OR2A12: variants seen among roughly 807,000 people sequenced by gnomAD.
OR2A12 encodes the protein olfactory receptor family 2 subfamily A member 12, also known as olfactory receptor 2A12.
For synonymous variants in OR2A12, 153 were observed against 149.3 expected (o/e 1.02, Z -0.18); for missense variants, 380 against 372.5 (o/e 1.02, Z -0.17).
rs187474037 is a variant in OR2A12, at chr7:144,096,270, C to T, written c.*230C>T. On this transcript the variant is annotated 3_prime_UTR_variant, in exon 2 of 2. Coordinates refer to ENST00000641592, the MANE Select transcript of OR2A12 (RefSeq NM_001004135.2). ...AGGAGTTCGAGACCAGCCTAACCAA[C>T]ATGGCGAAACACTGTCTCTATTAAA... 1.7e-4 allele frequency: 60 copies of T among 344,874 alleles called. No individual in the cohort carries two copies. The highest frequency in any genetic ancestry group is 8.0e-4 in the Admixed American group (18 of 22,374). The allele number at this position is 344,874 out of a possible 1,614,324, so 21.4% of individuals were successfully genotyped here.
chr7:144,094,679 C>A (rs1039806241), intron 1 of OR2A12, among the ~76,000 whole-genome samples: 1 of 152,088 alleles, frequency 6.6e-6, no homozygotes. Flanking sequence ...AGAGTAGGTA[C>A]AATGATAAAA....
Position 144,096,062 on chromosome 7 carries a change from A to AGT in OR2A12, c.*27_*28dup. 6.5e-7 allele frequency: 1 copy of AGT among 1,532,114 alleles called. No individual in the cohort carries two copies. The highest frequency in any genetic ancestry group is 8.9e-7 in the Non-Finnish European group (1 of 1,129,682). The allele number at this position is 1,532,114 out of a possible 1,614,324, so 94.9% of individuals were successfully genotyped here. A position where few individuals can be genotyped will look rare whatever the true frequency, so the allele number is the denominator to read the frequency against. ...GTGAAGAATCATTTGAGATATCCTG[A>AGT]GTGTGTAAGCATGGTTCTCATGACC... On this transcript the variant is annotated 3_prime_UTR_variant, in exon 2 of 2. Coordinates refer to ENST00000641592, the MANE Select transcript of OR2A12 (RefSeq NM_001004135.2).
In OR2A12 at chr7:144,095,606, T is replaced by C. The variant is rs1017508217; in HGVS notation, c.499T>C (p.Phe167Leu). 6.2e-7 allele frequency: 1 copy of C among 1,613,982 alleles called. No individual in the cohort carries two copies. Among genetic ancestry groups the C allele is most frequent in the Admixed American group, 1.7e-5 (1 of 60,002 alleles). The change falls in exon 2 of 2, where the codon TTT becomes CTT. Residue 167 changes from phenylalanine to leucine, a missense_variant. Coordinates refer to ENST00000641592, the MANE Select transcript of OR2A12 (RefSeq NM_001004135.2). ...TATTACTCTTATTCTGAGGCTGCCT[T>C]TTTGTGGCCCACAAAAGATCAACCA... is the stretch of plus-strand genomic sequence containing the variant. The part of the protein sequence containing the change: ...VHITLILRLP[F>L]CGPQKINHFF...
At chr7:144,086,771 T>C (rs925882669) in intron 1 of OR2A12, among the ~76,000 whole-genome samples, 3 of 152,166 alleles carry the variant, frequency 2.0e-5, no homozygotes, top group Admixed American at 6.5e-5. Context: ...ATACCAGAAA[T>C]AGTATCTTCC....
chr7:144,091,114 G>T (rs1313319557), intron 1 of OR2A12, among the ~76,000 whole-genome samples: 3 of 152,202 alleles, frequency 2.0e-5, no homozygotes, highest in African/African-American at 7.2e-5. Context: ...TCCAGGGCTG[G>T]GTGCGGTGGC....
intron 1 of OR2A12, among the ~76,000 whole-genome samples, chr7:144,094,687 A>C (rs937267666): frequency 6.6e-6 from 1 of 152,218 alleles, no homozygotes; most frequent in African/African-American, 2.4e-5. Flanking sequence ...TACAATGATA[A>C]AATTGTTCAG....
Position 144,098,932 on chromosome 7 carries a change from CT to C in OR2A12, c.*2894del, listed in dbSNP as rs1318233744. 6.6e-6 allele frequency: 1 copy of C among 150,754 alleles called. No homozygotes were observed. Among genetic ancestry groups the C allele is most frequent in the Non-Finnish European group, 1.5e-5 (1 of 67,700 alleles). 9.3% of individuals were successfully genotyped at this position (150,754 alleles called of 1,614,324 possible). A position where few individuals can be genotyped will look rare whatever the true frequency, so the allele number is the denominator to read the frequency against. On this transcript the variant is annotated 3_prime_UTR_variant, in exon 2 of 2. Transcript: ENST00000641592. The stretch of plus-strand genomic sequence containing the variant: ...TCTTTCTTCTTTCTTTCCTTCCTTC[CT>C]TCCTTTCTCTTTCTCTTCCTTCCTT...
chr7:144,091,447 C>A (rs2051226566), intron 1 of OR2A12, among the ~76,000 whole-genome samples: 1 of 152,142 alleles, frequency 6.6e-6, no homozygotes, highest in Non-Finnish European at 1.5e-5. Context: ...CTCCTTTCTG[C>A]AGTGATTGAA....
intron 1 of OR2A12, among the ~76,000 whole-genome samples, chr7:144,087,218 C>G (rs1188967171): frequency 6.6e-6 from 1 of 152,120 alleles, no homozygotes; most frequent in African/African-American, 2.4e-5. Flanking sequence ...TACCCTCCAG[C>G]CAGCAAAGTA....
At chr7:144,091,449 G>A (rs2051226593) in intron 1 of OR2A12, among the ~76,000 whole-genome samples, 1 of 152,164 alleles carries the variant, frequency 6.6e-6, no homozygotes, top group Non-Finnish European at 1.5e-5. Context: ...CCTTTCTGCA[G>A]TGATTGAATT....
rs1254445827 is a variant in OR2A12, at chr7:144,096,805, T to C, written c.*765T>C. On this transcript the variant is annotated 3_prime_UTR_variant, in exon 2 of 2. Transcript: ENST00000641592. ...TTGACAAGATTTAAGATCAATTCTT[T>C]ATAAGCTAATATCGCAGTAAGACTT... is the stretch of plus-strand genomic sequence containing the variant. 1 of 152,174 alleles carries C rather than the reference T, an allele frequency of 6.6e-6. No individual in the cohort carries two copies. The highest frequency in any genetic ancestry group is 1.5e-5 in the Non-Finnish European group (1 of 68,036). 9.4% of individuals were successfully genotyped at this position (152,174 alleles called of 1,614,324 possible).
intron 1 of OR2A12, among the ~76,000 whole-genome samples, chr7:144,089,629 T>C (rs1251296196): frequency 1.3e-5 from 2 of 152,156 alleles, no homozygotes; most frequent in East Asian, 3.8e-4. Context: ...TTTATTTACT[T>C]TGTAATTTTG....
At position 144,098,062 on chromosome 7, in the gene OR2A12, C is replaced by T. The variant is rs894192691; in HGVS notation, c.*2022C>T. 1.3e-5 allele frequency: 2 copies of T among 152,258 alleles called. No individual in the cohort carries two copies. The highest frequency in any genetic ancestry group is 4.8e-5 in the African/African-American group (2 of 41,544). 9.4% of individuals were successfully genotyped at this position (152,258 alleles called of 1,614,324 possible). On this transcript the variant is annotated 3_prime_UTR_variant, in exon 2 of 2. Transcript: ENST00000641592. ...AAAGTGAAAGGACAAGCCACAAAAT[C>T]TTCTGGAAGACTTTCTGATTTATCA...
rs1476457578 is a variant in OR2A12, at chr7:144,095,666, G to T, written c.559G>T (p.Ala187Ser). 6.2e-7 allele frequency: 1 copy of T among 1,614,026 alleles called. No homozygotes were observed. The highest frequency in any genetic ancestry group is 1.1e-5 in the South Asian group (1 of 91,068). Reference sequence around the variant, plus strand: ...TCAAATCATGTCCGTATTCAAATTGGCCTGTGCTGACACTAGGCTCAACCA... The same window carrying T: ...TCAAATCATGTCCGTATTCAAATTGTCCTGTGCTGACACTAGGCTCAACCA... ...FCQIMSVFKL[A>S]CADTRLNQVV... The change falls in exon 2 of 2, where the codon GCC becomes TCC. Residue 187 changes from alanine to serine, a missense_variant. Transcript: ENST00000641592.
intron 1 of OR2A12, among the ~76,000 whole-genome samples, chr7:144,089,820 A>G (rs1449492826): frequency 6.6e-6 from 1 of 152,144 alleles, no homozygotes; most frequent in African/African-American, 2.4e-5. Flanking sequence ...ATTTAATTTT[A>G]CCCTTTCAAA....
chr7:144,095,068 C>G lies in OR2A12; in HGVS notation c.-40C>G, dbSNP rs1327333329. 7.4e-7 allele frequency: 1 copy of G among 1,360,344 alleles called. No individual in the cohort carries two copies. The highest frequency in any genetic ancestry group is 1.0e-6 in the Non-Finnish European group (1 of 986,688). The allele number at this position is 1,360,344 out of a possible 1,614,324, so 84.3% of individuals were successfully genotyped here. On this transcript the variant is annotated 5_prime_UTR_variant, in exon 2 of 2. Coordinates refer to ENST00000641592, the MANE Select transcript of OR2A12 (RefSeq NM_001004135.2). ...TTTTCTCCCATTAGCTGTGAAATTTCTGTCTTAAGTACATCACAAGATTTT... is the reference window on the plus strand; with the variant it reads ...TTTTCTCCCATTAGCTGTGAAATTTGTGTCTTAAGTACATCACAAGATTTT...
Position 144,097,379 on chromosome 7 carries a change from G to C in OR2A12, c.*1339G>C, listed in dbSNP as rs962871051. 2.0e-5 allele frequency: 3 copies of C among 152,078 alleles called. No homozygotes were observed. Among genetic ancestry groups the C allele is most frequent in the African/African-American group, 7.2e-5 (3 of 41,402 alleles). The allele number at this position is 152,078 out of a possible 1,614,324, so 9.4% of individuals were successfully genotyped here. A position where few individuals can be genotyped will look rare whatever the true frequency, so the allele number is the denominator to read the frequency against. On this transcript the variant is annotated 3_prime_UTR_variant, in exon 2 of 2. Coordinates refer to ENST00000641592, the MANE Select transcript of OR2A12 (RefSeq NM_001004135.2). ...TAAATAAATAGATACACAATGTGTG[G>C]TATGCCAAGTTCTTGGACTGAAAAA...
chr7:144,093,724 G>A (rs568762095), intron 1 of OR2A12, among the ~76,000 whole-genome samples: 15 of 149,666 alleles, frequency 1.0e-4, no homozygotes, highest in South Asian at 4.3e-4. Context: ...GAGAACATGC[G>A]GTGTTTGGTT....
chr7:144,098,287 C>A lies in OR2A12; in HGVS notation c.*2247C>A, dbSNP rs1020311777. The A allele has an allele frequency of 6.6e-6, 1 of 152,242 alleles. No homozygotes were observed. Among genetic ancestry groups the A allele is most frequent in the Admixed American group, 6.5e-5 (1 of 15,290 alleles). 9.4% of individuals were successfully genotyped at this position (152,242 alleles called of 1,614,324 possible). ...TAATATACAAGATCGTCGTACACATCAATTTTGTCTTGTCATAGCTGTGTC... is the reference window on the plus strand; with the variant it reads ...TAATATACAAGATCGTCGTACACATAAATTTTGTCTTGTCATAGCTGTGTC... On this transcript the variant is annotated 3_prime_UTR_variant, in exon 2 of 2. Coordinates refer to ENST00000641592, the MANE Select transcript of OR2A12 (RefSeq NM_001004135.2).
Sources: allele counts gnomAD v4.1 joint callset (sites outside exome capture counted in the v4.1 genomes callset), GRCh38; gene constraint gnomAD v4.1.1; transcripts MANE v1.5; gene names NCBI Gene and HGNC (gene_info 2026-07-23, HGNC 2026-07-21).